Variants in DSCAM observed in about 807,000 individuals in gnomAD.
DSCAM encodes cell adhesion molecule DSCAM.
A neutral mutation model predicts 217.7 loss-of-function variants in DSCAM; 47 were observed. The observed-to-expected ratio is 0.22, with a 90% CI of 0.17 to 0.28. DSCAM has a LOEUF of 0.28. DSCAM is among the 10% of genes least tolerant of loss of function. The pLI is 1.00. For synonymous variants in DSCAM, 1,056 were observed against 1,015.3 expected (o/e 1.04, Z -0.76); for missense variants, 2,080 against 2,618.3 (o/e 0.79, Z 4.49).
chr21:40,834,449 A>G, intron 1 of DSCAM, among the ~76,000 whole-genome samples: 1 of 147,752 alleles, frequency 6.8e-6, no homozygotes, highest in African/African-American at 2.5e-5. Flanking sequence ...AATAATAATA[A>G]TAATAATAAT....
At chr21:40,108,846 C>A (rs1004976610) in intron 20 of DSCAM, among the ~76,000 whole-genome samples, 1 of 152,106 alleles carries the variant, frequency 6.6e-6, no homozygotes, top group African/African-American at 2.4e-5. Flanking sequence ...AATAAGACTG[C>A]ACATCTACAA....
intron 1 of DSCAM, among the ~76,000 whole-genome samples, chr21:40,765,582 G>A (rs1184927563): frequency 6.6e-6 from 1 of 152,108 alleles, no homozygotes; most frequent in Non-Finnish European, 1.5e-5. Flanking sequence ...AGAAGCAATG[G>A]GGGAGGGATG....
chr21:40,358,458 AT>A (rs2074720255), intron 4 of DSCAM, among the ~76,000 whole-genome samples: 1 of 152,222 alleles, frequency 6.6e-6, no homozygotes, highest in Non-Finnish European at 1.5e-5. Context: ...GTTCTTAGGC[AT>A]AACACTAAGA....
chr21:40,136,990 C>G (rs374811819), intron 18 of DSCAM, among the ~76,000 whole-genome samples: 18 of 151,718 alleles, frequency 1.2e-4, no homozygotes, highest in Admixed American at 7.2e-4. Flanking sequence ...CTGGCTAACA[C>G]GGTGAAACCC....
At chr21:40,376,700 T>A (rs1465304632) in intron 3 of DSCAM, among the ~76,000 whole-genome samples, 1 of 126,838 alleles carries the variant, frequency 7.9e-6, no homozygotes, top group Non-Finnish European at 1.6e-5. Context: ...ATCATATATA[T>A]CTTATATAGA....
At chr21:40,749,388 TAATTA>T (rs1481082479) in intron 1 of DSCAM, among the ~76,000 whole-genome samples, 1 of 151,762 alleles carries the variant, frequency 6.6e-6, no homozygotes, top group African/African-American at 2.4e-5. Context: ...AAAAAGCAAA[TAATTA>T]AATTTAAAAA....
intron 1 of DSCAM, among the ~76,000 whole-genome samples, chr21:40,778,891 G>T (rs2091513636): frequency 6.6e-6 from 1 of 152,012 alleles, no homozygotes; most frequent in South Asian, 2.1e-4. Context: ...AGGCATGATG[G>T]TGCATGCCTG....
In DSCAM at chr21:40,334,350, T is replaced by G. The variant is rs561830169; in HGVS notation, c.1783+3751A>C. On this transcript the variant is annotated intron_variant, in intron 8 of 32. Transcript: ENST00000400454. The stretch of plus-strand genomic sequence containing the variant: ...CCTCAAACGGCTCCACTGCATCTTC[T>G]GCTGACTCAGTAGAAAGCAATGCCA... Among the ~76,000 whole-genome samples, 18 of 152,332 alleles carry G rather than the reference T, an allele frequency of 1.2e-4. No homozygotes were observed. In the South Asian group the frequency reaches 3.5e-3, roughly 30 times the overall value.
chr21:40,682,413 A>G (rs911198676), intron 3 of DSCAM, among the ~76,000 whole-genome samples: 1 of 151,868 alleles, frequency 6.6e-6, no homozygotes, highest in Admixed American at 6.6e-5. Flanking sequence ...TCAACCAGGC[A>G]GTGTAGTTGG....
intron 20 of DSCAM, among the ~76,000 whole-genome samples, chr21:40,113,209 C>G (rs572086629): frequency 1.3e-5 from 2 of 152,122 alleles, no homozygotes; most frequent in Non-Finnish European, 2.9e-5. Flanking sequence ...AAAAGCTTAT[C>G]CACCATGATC....
intron 3 of DSCAM, among the ~76,000 whole-genome samples, chr21:40,410,300 C>T (rs1033248541): frequency 6.6e-6 from 1 of 151,764 alleles, no homozygotes; most frequent in Non-Finnish European, 1.5e-5. Context: ...AGAAACTACA[C>T]AAAATGAAAT....
At chr21:40,211,546 T>C (rs981621356) in intron 11 of DSCAM, among the ~76,000 whole-genome samples, 1 of 152,250 alleles carries the variant, frequency 6.6e-6, no homozygotes, top group African/African-American at 2.4e-5. Flanking sequence ...TGCCAGCATG[T>C]GGCGTTATAA....
intron 1 of DSCAM, among the ~76,000 whole-genome samples, chr21:40,791,604 G>A (rs1241362305): frequency 6.6e-6 from 1 of 152,182 alleles, no homozygotes; most frequent in African/African-American, 2.4e-5. Context: ...AGTGAGCCGA[G>A]ATTGCGCCAC....
At chr21:40,623,173 G>A (rs897008753) in intron 3 of DSCAM, among the ~76,000 whole-genome samples, 4 of 152,048 alleles carry the variant, frequency 2.6e-5, no homozygotes, top group African/African-American at 9.7e-5. Flanking sequence ...TTTCAAAGAA[G>A]GAGATCTGAA....
Position 40,080,137 on chromosome 21 carries a change from A to AGAAGGCAT in DSCAM, c.4420+7_4420+14dup. On this transcript the variant is annotated intron_variant, in intron 25 of 32. Coordinates refer to ENST00000400454, the MANE Select transcript of DSCAM (RefSeq NM_001389.5). ...AAAGAAAGGATATTAAGAAGCGATG[A>AGAAGGCAT]GAAGGCATACCTACCTTTTCCTAAG... 1 of 1,540,676 alleles carries AGAAGGCAT rather than the reference A, an allele frequency of 6.5e-7. No individual in the cohort carries two copies. The highest frequency in any genetic ancestry group is 2.4e-5 in the East Asian group (1 of 41,960).
At chr21:40,239,842 A>T (rs1037178214) in intron 11 of DSCAM, among the ~76,000 whole-genome samples, 1 of 152,126 alleles carries the variant, frequency 6.6e-6, no homozygotes, top group African/African-American at 2.4e-5. Context: ...ATGCTTTAGG[A>T]TGGTTACTTT....
intron 3 of DSCAM, among the ~76,000 whole-genome samples, chr21:40,606,646 T>G (rs1311281899): frequency 6.6e-6 from 1 of 152,316 alleles, no homozygotes; most frequent in Middle Eastern, 3.4e-3. Context: ...GAGTGTGACC[T>G]GGGCTGTAGT....
rs1384963174 is a variant in DSCAM, at chr21:40,817,834, C to A, written c.43+28785G>T. On this transcript the variant is annotated intron_variant, in intron 1 of 32. Coordinates refer to ENST00000400454, the MANE Select transcript of DSCAM (RefSeq NM_001389.5). ...CCCGGTGGCCGGGCGCGGTGGCTCA[C>A]GCCTGTAATCCCAGCACTTTGGGAG... is the stretch of plus-strand genomic sequence containing the variant. Among the ~76,000 whole-genome samples, 5 of 151,714 alleles carry A rather than the reference C, an allele frequency of 3.3e-5. No homozygotes were observed. The East Asian group carries it at 7.8e-4, about 24-fold the overall frequency.
chr21:40,468,519 C>A (rs2075862808), intron 3 of DSCAM, among the ~76,000 whole-genome samples: 1 of 150,794 alleles, frequency 6.6e-6, no homozygotes, highest in South Asian at 2.1e-4. Context: ...GGAAAAACAG[C>A]AAATATTGCA....
Sources: allele counts gnomAD v4.1 joint callset (sites outside exome capture counted in the v4.1 genomes callset), GRCh38; gene constraint gnomAD v4.1.1; transcripts MANE v1.5; gene names NCBI Gene and HGNC (gene_info 2026-07-23, HGNC 2026-07-21).